Variants in PEX14 observed in about 807,000 individuals in gnomAD.
PEX14 encodes the protein peroxisomal membrane protein PEX14.
PEX14 carries 15 observed loss-of-function variants against 49.5 expected under a neutral mutation model. The observed-to-expected ratio is 0.30, with a 90% confidence interval of 0.20 to 0.47. The LOEUF (loss-of-function observed/expected upper bound fraction) is 0.47, where lower values mean the gene tolerates loss of function less well. Ranked by LOEUF, PEX14 falls within the 20% of genes least tolerant of loss-of-function variation. The pLI, the probability that PEX14 is intolerant of heterozygous loss-of-function variation, is 1.00. For synonymous variants in PEX14, 210 were observed against 212.7 expected (o/e 0.99, Z 0.11); for missense variants, 398 against 494.8 (o/e 0.80, Z 1.86).
intron 3 of PEX14, among the ~76,000 whole-genome samples, chr1:10,543,289 C>T (rs375429194): frequency 4.6e-5 from 7 of 152,278 alleles, no homozygotes; most frequent in Middle Eastern, 3.4e-3. Context: ...GGCCTGCCAC[C>T]GCACCCAGCT....
At chr1:10,478,734 A>G (rs1176292290) in intron 1 of PEX14, among the ~76,000 whole-genome samples, 5 of 148,872 alleles carry the variant, frequency 3.4e-5, no homozygotes, top group South Asian at 2.1e-4. Flanking sequence ...GTGCACCACC[A>G]TGCCTGGCTA....
intron 1 of PEX14, among the ~76,000 whole-genome samples, chr1:10,484,735 G>T (rs1164279810): frequency 3.3e-5 from 5 of 151,472 alleles, no homozygotes; most frequent in African/African-American, 1.2e-4. Flanking sequence ...ACTAGGGAGG[G>T]GTCTGCTTCC....
intron 1 of PEX14, among the ~76,000 whole-genome samples, chr1:10,482,959 AC>A (rs1641307247): frequency 6.6e-6 from 1 of 152,140 alleles, no homozygotes; most frequent in Admixed American, 6.6e-5. Flanking sequence ...TTGTTCCCTT[AC>A]ATTTAGATCC....
chr1:10,629,294 G>T lies in PEX14; in HGVS notation c.678-237G>T, dbSNP rs2124649297. Among the ~76,000 whole-genome samples the T allele has an allele frequency of 6.6e-6, 1 of 152,348 alleles. No individual in the cohort carries two copies. Among genetic ancestry groups the T allele is most frequent in the African/African-American group, 2.4e-5 (1 of 41,582 alleles). ...CAGATGGGCCTTGCCCAGGGTGGGG[G>T]CCCGGGGGGACCCTGGGCTGTCTGT... On this transcript the variant is annotated intron_variant, in intron 8 of 8. Transcript: ENST00000356607. The surrounding 1 kb of genome is among the most constrained non-coding windows in gnomAD (Gnocchi z 8.5).
Position 10,539,967 on chromosome 1 carries a change from G to A in PEX14, c.169+3670G>A, listed in dbSNP as rs2124489088. Among the ~76,000 whole-genome samples the A allele has an allele frequency of 6.6e-6, 1 of 152,304 alleles. No individual in the cohort carries two copies. The highest frequency in any genetic ancestry group is 2.1e-4 in the South Asian group (1 of 4,830). On this transcript the variant is annotated intron_variant, in intron 3 of 8. Transcript: ENST00000356607. This position sits in a 1 kb window ranked among gnomAD's most constrained non-coding sequence, Gnocchi z 4.6. ...CTATTTTTCTGTATAACCCTGCATA[G>A]TGGGGCCTGGGTGCTGTTGGCTCAC...
rs112851814 is a variant in PEX14, at chr1:10,618,324, G to C, written c.299-8G>C. 1.5e-5 allele frequency: 24 copies of C among 1,613,050 alleles called. No individual in the cohort carries two copies. The highest frequency in any genetic ancestry group is 2.0e-5 in the Non-Finnish European group (24 of 1,179,338). On this transcript the variant is annotated splice_polypyrimidine_tract_variant and splice_region_variant and intron_variant, in intron 4 of 8. Coordinates refer to ENST00000356607, the MANE Select transcript of PEX14 (RefSeq NM_004565.3). Reference sequence around the variant, plus strand: ...GTCTTCTAACCCTCCTCCTCTTCCCGCCTGTAGGTCCCGCAGGCTCCCGAT... The same window carrying C: ...GTCTTCTAACCCTCCTCCTCTTCCCCCCTGTAGGTCCCGCAGGCTCCCGAT...
At chr1:10,592,282 C>T (rs1392573876) in intron 3 of PEX14, among the ~76,000 whole-genome samples, 1 of 152,190 alleles carries the variant, frequency 6.6e-6, no homozygotes, top group African/African-American at 2.4e-5. Flanking sequence ...GACTTTTCTA[C>T]CTGTTGCCAA....
chr1:10,588,383 C>T (rs1046180293), intron 3 of PEX14, among the ~76,000 whole-genome samples: 1 of 152,150 alleles, frequency 6.6e-6, no homozygotes, highest in East Asian at 1.9e-4. Flanking sequence ...CAATAGTTGC[C>T]CCTGGAGGAT....
chr1:10,536,470 G>C, intron 3 of PEX14, 173 bp downstream of exon 3: 1 of 651,008 alleles, frequency 1.5e-6, no homozygotes, highest in East Asian at 2.7e-5. Context: ...TTTCTTTCCT[G>C]ACAATGGAGC....
intron 5 of PEX14, among the ~76,000 whole-genome samples, chr1:10,620,725 T>TTGCAGTGAGCC (rs1344564570): frequency 2.0e-5 from 3 of 152,086 alleles, no homozygotes; most frequent in Non-Finnish European, 1.5e-5. Flanking sequence ...GAGGCATAGG[T>TTGCAGTGAGCC]TGCAGTGAGC....
At chr1:10,526,783 C>G (rs114244647) in intron 2 of PEX14, among the ~76,000 whole-genome samples, 1,797 of 152,174 alleles carry the variant, frequency 0.012, 33 homozygotes, top group African/African-American at 0.041. Context: ...TCAAAAAGTT[C>G]TGGATTTTGG....
chr1:10,588,430 T>G (rs1277134325), intron 3 of PEX14, among the ~76,000 whole-genome samples: 1 of 152,066 alleles, frequency 6.6e-6, no homozygotes, highest in African/African-American at 2.4e-5. Context: ...AGACTGATTT[T>G]TCACGATAAA....
intron 1 of PEX14, among the ~76,000 whole-genome samples, chr1:10,484,064 TG>T (rs1196759146): frequency 6.6e-6 from 1 of 150,532 alleles, no homozygotes; most frequent in Non-Finnish European, 1.5e-5. Flanking sequence ...ATTTCGCTCT[TG>T]TTGCCCAGGT....
At chr1:10,547,451 G>T (rs1364217323) in intron 3 of PEX14, among the ~76,000 whole-genome samples, 1 of 152,114 alleles carries the variant, frequency 6.6e-6, no homozygotes, top group Non-Finnish European at 1.5e-5. Flanking sequence ...GCAAATTATG[G>T]GTGCGTTAGT....
At chr1:10,517,511 G>A (rs1641991555) in intron 2 of PEX14, among the ~76,000 whole-genome samples, 1 of 152,130 alleles carries the variant, frequency 6.6e-6, no homozygotes, top group Non-Finnish European at 1.5e-5. Context: ...TTAAGAGGTT[G>A]TGCAGCTGCA....
intron 3 of PEX14, among the ~76,000 whole-genome samples, chr1:10,575,453 C>G (rs1428409483): frequency 6.6e-6 from 1 of 152,044 alleles, no homozygotes; most frequent in Admixed American, 6.5e-5. Context: ...TTTTTCAACA[C>G]CCATGGTACA....
At chr1:10,607,348 T>C (rs535370619) in intron 4 of PEX14, among the ~76,000 whole-genome samples, 24 of 152,206 alleles carry the variant, frequency 1.6e-4, no homozygotes, top group Non-Finnish European at 3.1e-4. Flanking sequence ...AATAAAACTT[T>C]TGTGAACATT....
chr1:10,564,595 C>CTTTT (rs58926587), intron 3 of PEX14, among the ~76,000 whole-genome samples: 6 of 107,144 alleles, frequency 5.6e-5, no homozygotes, highest in African/African-American at 1.6e-4. Flanking sequence ...CTTTTTCTTT[C>CTTTT]TTTTTTTTTT....
At chr1:10,551,343 C>A (rs1006449557) in intron 3 of PEX14, among the ~76,000 whole-genome samples, 1 of 152,160 alleles carries the variant, frequency 6.6e-6, no homozygotes, top group African/African-American at 2.4e-5. Flanking sequence ...ATTAAATCGA[C>A]TTTCTCCTGA....
Sources: allele counts gnomAD v4.1 joint callset (sites outside exome capture counted in the v4.1 genomes callset), GRCh38; gene constraint gnomAD v4.1.1; non-coding constraint Gnocchi (gnomAD v3.1); transcripts MANE v1.5; gene names NCBI Gene and HGNC (gene_info 2026-07-23, HGNC 2026-07-21).